The following LAMB4 variants were observed in gnomAD, a reference collection of about 807,000 sequenced individuals.
LAMB4 encodes laminin subunit beta-4.
LAMB4 carries 196 observed loss-of-function variants against 199.2 expected under a neutral mutation model. That is an observed-to-expected ratio of 0.98 (90% CI 0.88 to 1.11). The LOEUF (loss-of-function observed/expected upper bound fraction) is 1.11, where lower values mean the gene tolerates loss of function less well. LAMB4 is among the 50% of genes least tolerant of loss of function. LAMB4 has a pLI of 0.00. For synonymous variants in LAMB4, 744 were observed against 770.6 expected, an observed-to-expected ratio of 0.97 and a Z score of 0.57; for missense variants, 2,080 against 2,171.2, an observed-to-expected ratio of 0.96 and a Z score of 0.83.
chr7:108,080,959 T>C (rs751095294), intron 14 of LAMB4, among the ~76,000 whole-genome samples: 1 of 152,112 alleles, frequency 6.6e-6, no homozygotes, highest in Non-Finnish European at 1.5e-5. Context: ...CCGTCTCTAC[T>C]AAAAATACAA....
intron 23 of LAMB4, among the ~76,000 whole-genome samples, chr7:108,060,745 A>C (rs1417653880): frequency 6.6e-6 from 1 of 152,238 alleles, no homozygotes; most frequent in Non-Finnish European, 1.5e-5. Context: ...CCATGAGTCC[A>C]TGCTGATATA....
chr7:108,112,211 G>T (rs1172564418), intron 3 of LAMB4, among the ~76,000 whole-genome samples: 1 of 152,102 alleles, frequency 6.6e-6, no homozygotes, highest in Non-Finnish European at 1.5e-5. Flanking sequence ...AGAGGCAGAG[G>T]ATCTGGAAGT....
chr7:108,122,028 T>C (rs991774846), intron 2 of LAMB4, among the ~76,000 whole-genome samples: 4 of 152,322 alleles, frequency 2.6e-5, no homozygotes, highest in Middle Eastern at 3.4e-3. Flanking sequence ...AGCTTATATT[T>C]AGAAATGTAC....
intron 14 of LAMB4, among the ~76,000 whole-genome samples, chr7:108,080,248 T>C (rs2036878680): frequency 6.6e-6 from 1 of 152,192 alleles, no homozygotes; most frequent in Non-Finnish European, 1.5e-5. Flanking sequence ...TGAGAAACGC[T>C]CTTCTTCTAT....
chr7:108,057,272 G>A (rs181231178), intron 24 of LAMB4, among the ~76,000 whole-genome samples: 12 of 152,244 alleles, frequency 7.9e-5, no homozygotes, highest in Non-Finnish European at 1.0e-4. Flanking sequence ...AATAGTAGAC[G>A]GACACAGGGA....
At chr7:108,089,955 G>C (rs1191848394) in intron 14 of LAMB4, among the ~76,000 whole-genome samples, 1 of 152,086 alleles carries the variant, frequency 6.6e-6, no homozygotes, top group Non-Finnish European at 1.5e-5. Flanking sequence ...GAGCTACTGT[G>C]CCTGGCCAAG....
At position 108,069,834 on chromosome 7, in the gene LAMB4, C is replaced by A. The variant is rs781719384; in HGVS notation, c.2176G>T (p.Asp726Tyr). ...TTGTGAAGCTGATACTCATCTAAGT[C>A]CTGCTTGCTGCAGAAATTCTCCAAT... is the stretch of plus-strand genomic sequence containing the variant. The part of the protein sequence containing the change: ...NSLENFCSKQ[D>Y]LDEYQLHNCV... Residue 726 changes from aspartate (D) to tyrosine (Y), a missense_variant, in exon 18 of 34, where the codon GAC (aspartate) becomes TAC (tyrosine). Transcript: ENST00000388781. 11 of 1,613,860 alleles carry A rather than the reference C, an allele frequency of 6.8e-6. No homozygotes were observed. The East Asian group carries it at 2.2e-4, about 33-fold the overall frequency.
In LAMB4 at chr7:108,029,210, C is replaced by A; in HGVS notation, c.4993-14G>T. 6.2e-7 allele frequency: 1 copy of A among 1,607,184 alleles called. No individual in the cohort carries two copies. The highest frequency in any genetic ancestry group is 8.5e-7 in the Non-Finnish European group (1 of 1,177,258). Reference sequence around the variant, plus strand: ...CTCAACAAATTCCTGTAACAAGCAACACTTGCATCATGAGAAAATATGTAT... The same window carrying A: ...CTCAACAAATTCCTGTAACAAGCAAAACTTGCATCATGAGAAAATATGTAT... On this transcript the variant is annotated splice_polypyrimidine_tract_variant and intron_variant, in intron 32 of 33. Coordinates refer to ENST00000388781, the MANE Select transcript of LAMB4 (RefSeq NM_007356.3).
At chr7:108,059,196 C>T (rs758024904) in intron 23 of LAMB4, among the ~76,000 whole-genome samples, 14 of 150,356 alleles carry the variant, frequency 9.3e-5, no homozygotes, top group Non-Finnish European at 1.8e-4. Flanking sequence ...AGCTCCACCT[C>T]CCGGGTTCAC....
At chr7:108,037,650 C>T (rs2035278092) in intron 29 of LAMB4, 55 bp from the exon 30 acceptor site, 1 of 1,334,728 alleles carries the variant, frequency 7.5e-7, no homozygotes, top group Non-Finnish European at 1.1e-6. Flanking sequence ...AACACTGTAT[C>T]TTAAAAGTAT....
chr7:108,090,808 G>A (rs886083243), intron 14 of LAMB4, among the ~76,000 whole-genome samples: 1 of 152,156 alleles, frequency 6.6e-6, no homozygotes, highest in African/African-American at 2.4e-5. Flanking sequence ...CCAGACCAGG[G>A]ATTGCTTCAT....
At position 108,037,609 on chromosome 7, in the gene LAMB4, C is replaced by A; in HGVS notation, c.4472-14G>T. On this transcript the variant is annotated splice_polypyrimidine_tract_variant and intron_variant, in intron 29 of 33. Coordinates refer to ENST00000388781, the MANE Select transcript of LAMB4 (RefSeq NM_007356.3). ...GCACGTTTTCCTCTTAAATAAGAAG[C>A]AGGGTTTTAGGTAATCATGTCTCCT... 1.2e-6 allele frequency: 2 copies of A among 1,604,788 alleles called. No homozygotes were observed. The highest frequency in any genetic ancestry group is 1.7e-6 in the Non-Finnish European group (2 of 1,171,734).
intron 14 of LAMB4, among the ~76,000 whole-genome samples, chr7:108,086,168 C>G (rs539356538): frequency 6.6e-6 from 1 of 152,322 alleles, no homozygotes; most frequent in African/African-American, 2.4e-5. Context: ...CTGACTGATG[C>G]AGGAACGCAA....
chr7:108,076,857 A>T (rs2150573138), intron 17 of LAMB4, 87 bp downstream of exon 17: 1 of 1,431,264 alleles, frequency 7.0e-7, no homozygotes, highest in South Asian at 1.3e-5. Flanking sequence ...TTACATTTTT[A>T]AAGAAATATT....
chr7:108,025,954 A>G (rs964690387), intron 33 of LAMB4, among the ~76,000 whole-genome samples: 3 of 152,178 alleles, frequency 2.0e-5, no homozygotes, highest in African/African-American at 7.2e-5. Context: ...ACACATGGCC[A>G]ATGGACAGTG....
At chr7:108,027,860 G>A (rs1373572791) in intron 33 of LAMB4, among the ~76,000 whole-genome samples, 2 of 152,278 alleles carry the variant, frequency 1.3e-5, no homozygotes, top group African/African-American at 4.8e-5. Flanking sequence ...TTGGCTCACC[G>A]CAACCTCCGC....
chr7:108,079,818 C>T, intron 14 of LAMB4, 32 bp from the exon 15 acceptor site: 1 of 1,520,676 alleles, frequency 6.6e-7, no homozygotes, highest in Middle Eastern at 2.1e-4. Context: ...AATAGCTTTG[C>T]CTACAGTCAA....
At chr7:108,073,677 G>A (rs2036606428) in intron 17 of LAMB4, among the ~76,000 whole-genome samples, 1 of 152,244 alleles carries the variant, frequency 6.6e-6, no homozygotes, top group South Asian at 2.1e-4. Context: ...AAGCAGTCAA[G>A]TGTCTTATCT....
chr7:108,111,934 A>G lies in LAMB4; in HGVS notation c.205T>C (p.Cys69Arg). 6.2e-7 allele frequency: 1 copy of G among 1,603,708 alleles called. No individual in the cohort carries two copies. The highest frequency in any genetic ancestry group is 8.5e-7 in the Non-Finnish European group (1 of 1,176,682). ...GGAAATCTAGAGTCACAGATGAAGC[A>G]TTTTTGTTCCCCCTGGAAAACACCA... ...ILSYLEGEQK[C>R]FICDSRFPYD... Residue 69 changes from cysteine (C) to arginine (R), a missense_variant, in exon 4 of 34, where the codon TGC becomes CGC. By Grantham distance (180) the Cys-to-Arg change is radical (BLOSUM62 -3). Transcript: ENST00000388781.
Sources: allele counts gnomAD v4.1 joint callset (sites outside exome capture counted in the v4.1 genomes callset), GRCh38; gene constraint gnomAD v4.1.1; transcripts MANE v1.5; gene names NCBI Gene and HGNC (gene_info 2026-07-23, HGNC 2026-07-21).